Variants in LYZL4 observed in about 807,000 individuals in gnomAD.
LYZL4 encodes lysozyme-like protein 4.
Under a neutral mutation model 17.6 loss-of-function variants are expected in LYZL4, and 13 were observed. That is an observed-to-expected ratio of 0.74 (90% CI 0.48 to 1.18). The LOEUF is 1.18. Among genes scored for constraint, LYZL4 ranks in the 50% most tolerant of loss-of-function variants. The pLI is 0.00. For missense variants in LYZL4, 174 were observed against 188.2 expected (o/e 0.92, Z 0.44); for synonymous variants, 64 against 67.7 (o/e 0.95, Z 0.27).
chr3:42,383,310 A>T, the LYZL4 span, among the ~76,000 whole-genome samples: 1 of 152,140 alleles, frequency 6.6e-6, no homozygotes, highest in East Asian at 1.9e-4. Flanking sequence ...TCTCTGGGGA[A>T]CATGGGCAGC....
chr3:42,392,165 C>T (rs1698489948), downstream of LYZL4, among the ~76,000 whole-genome samples: 1 of 152,178 alleles, frequency 6.6e-6, no homozygotes, highest in South Asian at 2.1e-4. Flanking sequence ...AGCCACTGCA[C>T]CTGGCCTATC....
At chr3:42,369,105 CA>C in the LYZL4 span, among the ~76,000 whole-genome samples, 1 of 152,228 alleles carries the variant, frequency 6.6e-6, no homozygotes, top group Non-Finnish European at 1.5e-5. Context: ...ATAAGTTCCA[CA>C]AAGACTCAAA....
chr3:42,406,282 T>C (rs959876978), intron 3 of LYZL4, among the ~76,000 whole-genome samples: 2 of 151,840 alleles, frequency 1.3e-5, no homozygotes, highest in South Asian at 4.2e-4. Flanking sequence ...TGAAACTCCG[T>C]CTCTACTAAA....
At chr3:42,398,308 T>C (rs1698591320) in intron 4 of LYZL4, among the ~76,000 whole-genome samples, 1 of 152,132 alleles carries the variant, frequency 6.6e-6, no homozygotes, top group Non-Finnish European at 1.5e-5. Context: ...CTTCCTTCAC[T>C]GGGAACCTCA....
At chr3:42,379,235 G>A in the LYZL4 span, among the ~76,000 whole-genome samples, 1 of 152,270 alleles carries the variant, frequency 6.6e-6, no homozygotes, top group Non-Finnish European at 1.5e-5. Flanking sequence ...CATATTGCTG[G>A]TTAGTCAGTG....
intron 4 of LYZL4, among the ~76,000 whole-genome samples, chr3:42,403,673 G>A (rs914252548): frequency 3.9e-5 from 6 of 152,070 alleles, no homozygotes; most frequent in Non-Finnish European, 8.8e-5. Flanking sequence ...ACAAATATGG[G>A]CCTGCTGGAT....
Position 42,406,985 on chromosome 3 carries a change from G to A in LYZL4, c.153C>T (p.Ala51=). ...GYSLENWVCL[A]YFESKFNPMA... The stretch of plus-strand genomic sequence containing the variant: ...TGGGGTTGAACTTGCTCTCGAAGTA[G>A]GCCAGGCACACCCCTAAGATGGAAC... The change falls in exon 3 of 5, where the codon GCC becomes GCT. Residue 51 remains alanine (A), a synonymous_variant. Transcript: ENST00000287748. 1 of 1,614,214 alleles carries A rather than the reference G, an allele frequency of 6.2e-7. No individual in the cohort carries two copies. Among genetic ancestry groups the A allele is most frequent in the Non-Finnish European group, 8.5e-7 (1 of 1,180,040 alleles).
chr3:42,407,346 G>A lies in LYZL4; in HGVS notation c.-92-3C>T, dbSNP rs1219563587. The A allele has an allele frequency of 6.6e-7, 1 of 1,522,820 alleles. No individual in the cohort carries two copies. The highest frequency in any genetic ancestry group is 8.9e-7 in the Non-Finnish European group (1 of 1,117,542). 94.3% of individuals were successfully genotyped at this position (1,522,820 alleles called of 1,614,324 possible). A position where few individuals can be genotyped will look rare whatever the true frequency, so the allele number is the denominator to read the frequency against. ...TTCTCTGAAGGGAAAGAAGGGCACT[G>A]TGGGGGTGGGGGTGGAGCACAGTTC... On this transcript the variant is annotated splice_region_variant and splice_polypyrimidine_tract_variant and intron_variant, in intron 1 of 4. Coordinates refer to ENST00000287748, the MANE Select transcript of LYZL4 (RefSeq NM_144634.4).
At chr3:42,402,010 G>A (rs1309831879) in intron 4 of LYZL4, among the ~76,000 whole-genome samples, 1 of 151,924 alleles carries the variant, frequency 6.6e-6, no homozygotes, top group Non-Finnish European at 1.5e-5. Context: ...AGGAAAAAAA[G>A]GAGAATATCC....
the LYZL4 span, among the ~76,000 whole-genome samples, chr3:42,386,222 C>T: frequency 6.6e-6 from 1 of 152,112 alleles, no homozygotes; most frequent in African/African-American, 2.4e-5. Context: ...TGTGCCTCAG[C>T]CTCCTGAGCA....
At chr3:42,405,476 G>A (rs1251354452) in intron 3 of LYZL4, among the ~76,000 whole-genome samples, 2 of 152,124 alleles carry the variant, frequency 1.3e-5, no homozygotes, top group African/African-American at 4.8e-5. Context: ...CCTCTCTGGA[G>A]CTAAAGGCCA....
In LYZL4 at chr3:42,407,096, A is replaced by G. The variant is rs760378315; in HGVS notation, c.139+17T>C. On this transcript the variant is annotated intron_variant, in intron 2 of 4. Transcript: ENST00000287748. The stretch of plus-strand genomic sequence containing the variant: ...CAAGGAGGTGAGAGGAGGGAGCACT[A>G]AGTGGGGCCTACTCACAGTTCTCAA... 1.2e-6 allele frequency: 2 copies of G among 1,613,938 alleles called. No homozygotes were observed. The highest frequency in any genetic ancestry group is 2.2e-5 in the South Asian group (2 of 91,076).
chr3:42,365,882 T>G, the LYZL4 span, among the ~76,000 whole-genome samples: 28 of 152,338 alleles, frequency 1.8e-4, no homozygotes, highest in African/African-American at 6.3e-4. Context: ...TACTCTATAT[T>G]GAAATAATGA....
At chr3:42,363,665 A>G in the LYZL4 span, among the ~76,000 whole-genome samples, 1 of 152,224 alleles carries the variant, frequency 6.6e-6, no homozygotes, top group Non-Finnish European at 1.5e-5. Context: ...CAGATAGCCC[A>G]AGTTGCTGAA....
At chr3:42,385,282 C>A in the LYZL4 span, among the ~76,000 whole-genome samples, 5 of 152,208 alleles carry the variant, frequency 3.3e-5, no homozygotes, top group Non-Finnish European at 4.4e-5. Flanking sequence ...CCCATACAAA[C>A]GGTGGTCCCA....
chr3:42,370,554 A>G, the LYZL4 span, among the ~76,000 whole-genome samples: 3 of 152,220 alleles, frequency 2.0e-5, no homozygotes, highest in African/African-American at 4.8e-5. Context: ...GCCAATGAAA[A>G]AGAAAAATGA....
the LYZL4 span, among the ~76,000 whole-genome samples, chr3:42,370,206 A>G: frequency 6.6e-6 from 1 of 152,248 alleles, no homozygotes; most frequent in Admixed American, 6.5e-5. Context: ...GTATACTGCA[A>G]TCCCACTGGC....
chr3:42,410,061 T>C (rs1698835754), intron 1 of LYZL4, among the ~76,000 whole-genome samples: 1 of 152,182 alleles, frequency 6.6e-6, no homozygotes. Context: ...CCTTGATCAC[T>C]GCCCCATCAA....
At chr3:42,383,080 A>G in the LYZL4 span, among the ~76,000 whole-genome samples, 1 of 152,204 alleles carries the variant, frequency 6.6e-6, no homozygotes, top group Non-Finnish European at 1.5e-5. Flanking sequence ...GCAGAAAACT[A>G]TCATTCAGTT....
Sources: allele counts gnomAD v4.1 joint callset (sites outside exome capture counted in the v4.1 genomes callset), GRCh38; gene constraint gnomAD v4.1.1; transcripts MANE v1.5; gene names NCBI Gene and HGNC (gene_info 2026-07-23, HGNC 2026-07-21).